Variants in C2orf15 observed in about 807,000 individuals in gnomAD.
C2orf15 encodes the protein chromosome 2 open reading frame 15, also known as uncharacterized protein C2orf15.
Under a neutral mutation model 4.4 loss-of-function variants are expected in C2orf15, and 3 were observed. The ratio of observed to expected loss-of-function variants is 0.67; its 90% CI spans 0.31 to 1.74. The LOEUF (loss-of-function observed/expected upper bound fraction) is 1.74. Ranked by LOEUF, C2orf15 falls within the 40% of genes most tolerant of loss-of-function variation. The pLI is 0.09. For synonymous variants in C2orf15, 37 were observed against 36.8 expected (o/e 1.00, Z -0.02); for missense variants, 90 against 103.3 (o/e 0.87, Z 0.56).
chr2:99,147,320 C>A, intron 2 of C2orf15, 82 bp from the exon 3 acceptor site: 2 of 769,470 alleles, frequency 2.6e-6, no homozygotes, highest in Non-Finnish European at 2.2e-6. Flanking sequence ...ATCTTAATAT[C>A]TAGTAAAGAA....
At chr2:99,149,040 G>A (rs1337355290) in intron 3 of C2orf15, among the ~76,000 whole-genome samples, 3 of 151,756 alleles carry the variant, frequency 2.0e-5, no homozygotes, top group Non-Finnish European at 4.4e-5. Flanking sequence ...GCCTGGTGGC[G>A]GGCACCTGTA....
chr2:99,150,044 C>T (rs555391887), intron 3 of C2orf15, among the ~76,000 whole-genome samples: 13 of 151,942 alleles, frequency 8.6e-5, no homozygotes, highest in South Asian at 8.3e-4. Context: ...CCACCCGCCT[C>T]GGCCCCCAAA....
Position 99,147,509 on chromosome 2 carries a change from C to T in C2orf15, c.-77+16C>T, listed in dbSNP as rs768892095. On this transcript the variant is annotated intron_variant, in intron 3 of 3. Transcript: ENST00000650052. ...GGAAGTTAAGGTAAGACTCACAGGGCCAAGTCTACCCTATTATACTTGGTT... is the reference window on the plus strand; with the variant it reads ...GGAAGTTAAGGTAAGACTCACAGGGTCAAGTCTACCCTATTATACTTGGTT... The T allele has an allele frequency of 3.1e-6, 5 of 1,611,924 alleles. No individual in the cohort carries two copies. Among genetic ancestry groups the T allele is most frequent in the Non-Finnish European group, 4.2e-6 (5 of 1,178,194 alleles).
At chr2:99,149,858 TA>T (rs1448422481) in intron 3 of C2orf15, among the ~76,000 whole-genome samples, 1 of 147,368 alleles carries the variant, frequency 6.8e-6, no homozygotes, top group Non-Finnish European at 1.5e-5. Flanking sequence ...AGTGGTGCAA[TA>T]TTGGCTCACT....
chr2:99,145,563 G>GA (rs58490482), intron 2 of C2orf15, among the ~76,000 whole-genome samples: 81,747 of 145,118 alleles, frequency 0.56, 23,069 homozygotes, highest in Middle Eastern at 0.72. Context: ...GTCCCAAAAA[G>GA]AAAAAAAAAA....
chr2:99,147,545 C>G (rs776171471), intron 3 of C2orf15, 52 bp downstream of exon 3: 1 of 1,504,412 alleles, frequency 6.6e-7, no homozygotes, highest in African/African-American at 1.4e-5. Flanking sequence ...CCTCCTCAGT[C>G]CTTTTATTAG....
intron 2 of C2orf15, among the ~76,000 whole-genome samples, chr2:99,144,817 G>C (rs1341324077): frequency 1.3e-5 from 2 of 152,116 alleles, no homozygotes; most frequent in East Asian, 3.9e-4. Context: ...GCTTCAGGCT[G>C]GGGGAACTGT....
intron 3 of C2orf15, among the ~76,000 whole-genome samples, chr2:99,147,709 AT>A (rs1431735686): frequency 1.3e-5 from 2 of 152,218 alleles, no homozygotes; most frequent in Admixed American, 1.3e-4. Flanking sequence ...TGTAATAATA[AT>A]AATATGTAGA....
At chr2:99,150,040 G>A (rs912648088) in intron 3 of C2orf15, among the ~76,000 whole-genome samples, 12 of 151,638 alleles carry the variant, frequency 7.9e-5, no homozygotes, top group African/African-American at 2.9e-4. Flanking sequence ...TGATCCACCC[G>A]CCTCGGCCCC....
chr2:99,150,675 G>T lies in C2orf15; in HGVS notation c.117G>T (p.Gln39His). ...AAAGCAGGTTGGAACCAGCGACTCAGTTATTTCAAAACACCAAGAAAATAA... is the reference window on the plus strand; with the variant it reads ...AAAGCAGGTTGGAACCAGCGACTCATTTATTTCAAAACACCAAGAAAATAA... ...TEKSRLEPAT[Q>H]LFQNTKKIRL... is the part of the protein sequence containing the mutation. The change falls in exon 4 of 4, where the codon CAG (glutamine) becomes CAT (histidine). Residue 39 changes from glutamine to histidine, a missense_variant. By Grantham distance (24) the Gln-to-His change is conservative. Transcript: ENST00000650052. 6.2e-7 allele frequency: 1 copy of T among 1,614,032 alleles called. No individual in the cohort carries two copies. Among genetic ancestry groups the T allele is most frequent in the Non-Finnish European group, 8.5e-7 (1 of 1,179,970 alleles).
rs1213832769 is a variant in C2orf15 at position 99,151,111 on chromosome 2, T to C, written c.*277T>C. ...AACCAGAGTTTTTAAGTAACAGTATTTGAATGGCATCAAAACATTTTCATT... is the reference window on the plus strand; with the variant it reads ...AACCAGAGTTTTTAAGTAACAGTATCTGAATGGCATCAAAACATTTTCATT... On this transcript the variant is annotated 3_prime_UTR_variant, in exon 4 of 4. Transcript: ENST00000650052. The C allele has an allele frequency of 1.5e-5, 4 of 261,168 alleles. No individual in the cohort carries two copies. The Admixed American group carries it at 1.6e-4, about 10-fold the overall frequency. The allele number at this position is 261,168 out of a possible 1,614,324, so 16.2% of individuals were successfully genotyped here.
rs982118906 is a variant in C2orf15 at position 99,151,326 on chromosome 2, G to C, written c.*492G>C. 6.6e-5 allele frequency: 10 copies of C among 152,580 alleles called. No individual in the cohort carries two copies. Among genetic ancestry groups the C allele is most frequent in the African/African-American group, 1.9e-4 (8 of 41,342 alleles). 9.5% of individuals were successfully genotyped at this position (152,580 alleles called of 1,614,324 possible). ...AAAATGCAAAAAGTTAGCCAGGCAT[G>C]GTGGTGGGCACCTGTGATCCCAGCT... On this transcript the variant is annotated 3_prime_UTR_variant, in exon 4 of 4. Coordinates refer to ENST00000650052, the MANE Select transcript of C2orf15 (RefSeq NM_144706.4).
chr2:99,149,468 A>T, intron 3 of C2orf15, among the ~76,000 whole-genome samples: 1 of 134,800 alleles, frequency 7.4e-6, no homozygotes, highest in Admixed American at 7.9e-5. Context: ...TTTAAGACGG[A>T]GTCTCGCTCT....
chr2:99,146,100 T>C (rs907681523), intron 2 of C2orf15, among the ~76,000 whole-genome samples: 3 of 152,160 alleles, frequency 2.0e-5, no homozygotes, highest in Non-Finnish European at 4.4e-5. Context: ...CTGGCCAACA[T>C]GGCGAAACAT....
At chr2:99,142,973 A>C (rs1288382809) in intron 2 of C2orf15, among the ~76,000 whole-genome samples, 5 of 152,064 alleles carry the variant, frequency 3.3e-5, no homozygotes, top group Non-Finnish European at 1.5e-5. Context: ...AAAGAATATA[A>C]GGAAATGATC....
At position 99,147,398 on chromosome 2, in the gene C2orf15, C is replaced by A; in HGVS notation, c.-168-4C>A. On this transcript the variant is annotated splice_region_variant and splice_polypyrimidine_tract_variant and intron_variant, in intron 2 of 3. Transcript: ENST00000650052. ...GTACCTTTATTCTTACATATATATTCCAGATTTCTTCTTGAATGGCAACCT... is the reference window on the plus strand; with the variant it reads ...GTACCTTTATTCTTACATATATATTACAGATTTCTTCTTGAATGGCAACCT... 7.2e-7 allele frequency: 1 copy of A among 1,395,636 alleles called. No homozygotes were observed. Among genetic ancestry groups the A allele is most frequent in the Non-Finnish European group, 1.0e-6 (1 of 981,960 alleles). 86.5% of individuals were successfully genotyped at this position (1,395,636 alleles called of 1,614,324 possible).
At chr2:99,143,084 C>G (rs937700303) in intron 2 of C2orf15, among the ~76,000 whole-genome samples, 1 of 150,674 alleles carries the variant, frequency 6.6e-6, no homozygotes, top group Admixed American at 6.6e-5. Flanking sequence ...TTCCTTCCCT[C>G]TGTGGAAACC....
chr2:99,150,411 TCAAA>T, intron 3 of C2orf15, 68 bp from the exon 4 acceptor site: 1 of 854,672 alleles, frequency 1.2e-6, no homozygotes, highest in East Asian at 2.5e-5. Flanking sequence ...AGCTTTTCAT[TCAAA>T]CAAACATTGC....
At position 99,147,389 on chromosome 2, in the gene C2orf15, A is replaced by G. The variant is rs1476237793; in HGVS notation, c.-168-13A>G. On this transcript the variant is annotated splice_polypyrimidine_tract_variant and intron_variant, in intron 2 of 3. Coordinates refer to ENST00000650052, the MANE Select transcript of C2orf15 (RefSeq NM_144706.4). ...TCTCTTTATGTACCTTTATTCTTACATATATATTCCAGATTTCTTCTTGAA... is the reference window on the plus strand; with the variant it reads ...TCTCTTTATGTACCTTTATTCTTACGTATATATTCCAGATTTCTTCTTGAA... 7.6e-7 allele frequency: 1 copy of G among 1,308,234 alleles called. No homozygotes were observed. Among genetic ancestry groups the G allele is most frequent in the East Asian group, 2.3e-5 (1 of 43,484 alleles). 81.0% of individuals were successfully genotyped at this position (1,308,234 alleles called of 1,614,324 possible).
Sources: gnomAD v4.1 joint callset for allele counts (sites outside exome capture counted in the v4.1 genomes callset) on GRCh38, gnomAD v4.1.1 for gene constraint, MANE v1.5 for transcripts, NCBI Gene and HGNC (gene_info 2026-07-23, HGNC 2026-07-21) for gene names.